The following TOMM70 variants were observed in gnomAD, a reference collection of about 807,000 sequenced individuals.
TOMM70 encodes translocase of outer mitochondrial membrane 70.
TOMM70 carries 13 observed loss-of-function variants against 73.6 expected under a neutral mutation model. The observed-to-expected ratio is 0.18, with a 90% CI of 0.11 to 0.28. TOMM70 has a LOEUF of 0.28. Among genes scored for constraint, TOMM70 ranks in the 10% least tolerant of loss-of-function variants. The pLI is 1.00. For missense variants in TOMM70, 609 were observed against 747.5 expected, an observed-to-expected ratio of 0.81 and a Z score of 2.16; for synonymous variants, 257 against 271.2, an observed-to-expected ratio of 0.95 and a Z score of 0.51.
chr3:100,377,777 CAGGTAGA>C lies in TOMM70; in HGVS notation c.1013_1019del (p.Phe338CysfsTer13). 6.2e-7 allele frequency: 1 copy of C among 1,614,166 alleles called. No individual in the cohort carries two copies. Among genetic ancestry groups the C allele is most frequent in the Non-Finnish European group, 8.5e-7 (1 of 1,180,036 alleles). On this transcript the variant is annotated frameshift_variant, in exon 6 of 12. Coordinates refer to ENST00000284320, the MANE Select transcript of TOMM70 (RefSeq NM_014820.5). LOFTEE classifies it high-confidence loss of function. ...TGGCTGCATTGGCATTGCCAATAAG[CAGGTAGA>C]AGGTAGCTCGTAGTAGCAATGCTTC...
intron 4 of TOMM70, 120 bp downstream of exon 4, chr3:100,384,359 C>A (rs540561917): frequency 3.3e-6 from 2 of 604,702 alleles, no homozygotes; most frequent in Non-Finnish European, 5.6e-6. Context: ...AGAAATATAA[C>A]CCAGTTCTAA....
intron 1 of TOMM70, among the ~76,000 whole-genome samples, chr3:100,388,427 G>C (rs1706717702): frequency 1.3e-5 from 2 of 152,128 alleles, no homozygotes; most frequent in South Asian, 2.1e-4. Flanking sequence ...CTATATGAGA[G>C]ACAAGTGGCC....
intron 9 of TOMM70, 51 bp from the exon 10 acceptor site, chr3:100,369,186 G>A: frequency 1.6e-6 from 2 of 1,266,482 alleles, no homozygotes; most frequent in Non-Finnish European, 2.3e-6. Context: ...AACCTAAGCA[G>A]TTAAAAGTAT....
Position 100,371,714 on chromosome 3 carries a change from G to C in TOMM70, c.1452+892C>G, listed in dbSNP as rs542946962. ...ACCTTCCCAGCACTTTTGGCACCAC[G>C]GATTGGTTTTGTGGAAGACAATTTT... On this transcript the variant is annotated intron_variant, in intron 9 of 11. Coordinates refer to ENST00000284320, the MANE Select transcript of TOMM70 (RefSeq NM_014820.5). 2.0e-5 allele frequency among the ~76,000 whole-genome samples: 3 copies of C among 152,314 alleles called. No homozygotes were observed. The East Asian group carries it at 5.8e-4, about 29-fold the overall frequency.
intron 3 of TOMM70, among the ~76,000 whole-genome samples, chr3:100,385,532 G>C (rs1706681238): frequency 6.6e-6 from 1 of 152,162 alleles, no homozygotes; most frequent in Admixed American, 6.6e-5. Context: ...TTAGATTGTA[G>C]AAAATTATAC....
intron 1 of TOMM70, among the ~76,000 whole-genome samples, chr3:100,398,165 C>G (rs1045309446): frequency 1.3e-5 from 2 of 151,888 alleles, no homozygotes; most frequent in African/African-American, 2.4e-5. Context: ...GGGTGGATCA[C>G]CTGAGGTCAG....
intron 5 of TOMM70, among the ~76,000 whole-genome samples, chr3:100,379,897 G>A (rs1024949324): frequency 1.3e-5 from 2 of 152,220 alleles, no homozygotes; most frequent in African/African-American, 2.4e-5. Context: ...GGGATTACAG[G>A]CATGAGCCAC....
In TOMM70 at chr3:100,396,448, A is replaced by C. The variant is rs906651651; in HGVS notation, c.324+4178T>G. 2.0e-5 allele frequency among the ~76,000 whole-genome samples: 3 copies of C among 152,206 alleles called. No individual in the cohort carries two copies. In the East Asian group the frequency reaches 5.8e-4, roughly 29 times the overall value. ...CAGATTAAATAACAATTGGACAAAA[A>C]AGTTACAATGAAGTCAATAATGCTT... On this transcript the variant is annotated intron_variant, in intron 1 of 11. Transcript: ENST00000284320.
chr3:100,367,341 G>A (rs1302484345), intron 11 of TOMM70, among the ~76,000 whole-genome samples: 1 of 152,186 alleles, frequency 6.6e-6, no homozygotes, highest in Non-Finnish European at 1.5e-5. Context: ...GAGGACTACA[G>A]GAGGGGCTGA....
chr3:100,399,262 A>C (rs1266031675), intron 1 of TOMM70, among the ~76,000 whole-genome samples: 2 of 151,672 alleles, frequency 1.3e-5, no homozygotes, highest in Non-Finnish European at 2.9e-5. Context: ...CTGGGCAACA[A>C]AGTGAGACTC....
At chr3:100,378,740 C>T (rs566787729) in intron 5 of TOMM70, among the ~76,000 whole-genome samples, 1 of 152,312 alleles carries the variant, frequency 6.6e-6, no homozygotes, top group South Asian at 2.1e-4. Context: ...GATGCGGTGG[C>T]TCACGCCTGT....
intron 1 of TOMM70, among the ~76,000 whole-genome samples, chr3:100,391,537 T>C (rs777506952): frequency 3.5e-4 from 54 of 152,272 alleles, no homozygotes; most frequent in Non-Finnish European, 7.2e-4. Flanking sequence ...AAGACAAAGC[T>C]TATAGAGTAG....
At chr3:100,366,955 C>T (rs1360288551) in intron 11 of TOMM70, among the ~76,000 whole-genome samples, 1 of 152,204 alleles carries the variant, frequency 6.6e-6, no homozygotes, top group Non-Finnish European at 1.5e-5. Context: ...TGCAGTGGCT[C>T]ACACCTGTAA....
intron 11 of TOMM70, among the ~76,000 whole-genome samples, chr3:100,366,669 T>G (rs531550853): frequency 1.3e-5 from 2 of 152,384 alleles, no homozygotes; most frequent in South Asian, 4.1e-4. Flanking sequence ...TTTCATTTAT[T>G]CAAATTCACT....
Position 100,381,600 on chromosome 3 carries a change from G to A in TOMM70, c.884+15C>T. On this transcript the variant is annotated intron_variant, in intron 5 of 11. Coordinates refer to ENST00000284320, the MANE Select transcript of TOMM70 (RefSeq NM_014820.5). The stretch of plus-strand genomic sequence containing the variant: ...CAAAACACCACTAAGTAGACACTAT[G>A]CTTGACATACTTACTTTTCTTTCAC... 1 of 1,610,908 alleles carries A rather than the reference G, an allele frequency of 6.2e-7. No homozygotes were observed. The highest frequency in any genetic ancestry group is 2.2e-5 in the East Asian group (1 of 44,764).
intron 1 of TOMM70, among the ~76,000 whole-genome samples, chr3:100,393,997 G>A (rs1230746473): frequency 1.3e-5 from 2 of 152,266 alleles, no homozygotes; most frequent in Admixed American, 1.3e-4. Context: ...ATTGCAAAAA[G>A]CTGTCAATGA....
chr3:100,395,793 T>A (rs1706819709), intron 1 of TOMM70, among the ~76,000 whole-genome samples: 1 of 152,130 alleles, frequency 6.6e-6, no homozygotes, highest in African/African-American at 2.4e-5. Context: ...AATACAATGG[T>A]GAACAAGATA....
At chr3:100,373,847 T>G in intron 7 of TOMM70, 2 of 421,166 alleles carry the variant, frequency 4.7e-6, no homozygotes, top group South Asian at 5.7e-5. Context: ...ATCCAACTTA[T>G]AGAAAGGACT....
intron 2 of TOMM70, 62 bp from the exon 3 acceptor site, chr3:100,386,406 T>C (rs900326381): frequency 1.3e-6 from 2 of 1,486,604 alleles, no homozygotes; most frequent in East Asian, 2.3e-5. Context: ...TAGAAATCAG[T>C]TTAAACTTGA....
Sources: allele counts gnomAD v4.1 joint callset (sites outside exome capture counted in the v4.1 genomes callset), GRCh38; gene constraint gnomAD v4.1.1; transcripts MANE v1.5; gene names NCBI Gene and HGNC (gene_info 2026-07-23, HGNC 2026-07-21).